The following IMMP2L variants were observed in gnomAD, a reference collection of about 807,000 sequenced individuals.
IMMP2L encodes inner mitochondrial membrane peptidase subunit 2.
A neutral mutation model predicts 19.3 loss-of-function variants in IMMP2L; 18 were observed. That is an observed-to-expected ratio of 0.93 (90% CI 0.64 to 1.38). The LOEUF (loss-of-function observed/expected upper bound fraction) is 1.38. IMMP2L is among the 40% of genes most tolerant of loss of function. The pLI, the probability that IMMP2L is intolerant of heterozygous loss-of-function variation, is 0.00. For synonymous variants in IMMP2L, 76 were observed against 73.0 expected, an observed-to-expected ratio of 1.04 and a Z score of -0.21; for missense variants, 233 against 218.2, an observed-to-expected ratio of 1.07 and a Z score of -0.43.
At chr7:110,761,351 C>G (rs533097580) in intron 5 of IMMP2L, among the ~76,000 whole-genome samples, 5 of 152,240 alleles carry the variant, frequency 3.3e-5, no homozygotes, top group African/African-American at 1.2e-4. Context: ...TCAATGATGT[C>G]CTTTCCATGA....
At chr7:111,349,837 C>A (rs181268045) in intron 3 of IMMP2L, among the ~76,000 whole-genome samples, 334 of 152,188 alleles carry the variant, frequency 2.2e-3, no homozygotes, top group African/African-American at 6.9e-3. Context: ...TCTCAGGAGC[C>A]CTCTCCCTGT....
rs145962296 is a variant in IMMP2L, at chr7:110,969,748, G to A, written c.240-6183C>T. On this transcript the variant is annotated intron_variant, in intron 3 of 5. Coordinates refer to ENST00000405709, the MANE Select transcript of IMMP2L (RefSeq NM_032549.4). Reference sequence around the variant, plus strand: ...GTGGGGTGGGGATGGAATAAGAAAGGTATGGTTTATCTACATTGGCCATTC... The same window carrying A: ...GTGGGGTGGGGATGGAATAAGAAAGATATGGTTTATCTACATTGGCCATTC... 1.4e-4 allele frequency among the ~76,000 whole-genome samples: 22 copies of A among 152,146 alleles called. No homozygotes were observed. In the East Asian group the frequency reaches 3.5e-3, roughly 24 times the overall value.
chr7:110,876,674 C>A (rs1809100568), intron 5 of IMMP2L, among the ~76,000 whole-genome samples: 1 of 152,286 alleles, frequency 6.6e-6, no homozygotes, highest in East Asian at 1.9e-4. Context: ...CAATCTACTT[C>A]ATATTTTTAT....
chr7:110,993,832 C>T (rs185213574), intron 3 of IMMP2L, among the ~76,000 whole-genome samples: 54 of 152,154 alleles, frequency 3.5e-4, no homozygotes, highest in African/African-American at 1.3e-3. Context: ...ACTTCCCCAT[C>T]GCTCTTGATG....
At chr7:111,109,870 T>C (rs2129582792) in intron 3 of IMMP2L, among the ~76,000 whole-genome samples, 1 of 152,302 alleles carries the variant, frequency 6.6e-6, no homozygotes, top group Non-Finnish European at 1.5e-5. Flanking sequence ...GCGCGGTGGC[T>C]CATGCCTGTA....
In IMMP2L at chr7:110,696,281, G is replaced by A. The variant is rs145956746; in HGVS notation, c.409-32560C>T. 6.4e-4 allele frequency among the ~76,000 whole-genome samples: 97 copies of A among 152,294 alleles called. 2 individuals carry two copies. The East Asian group carries it at 0.016, about 25-fold the overall frequency. ...GCATGGAGGTTTCTAAGTAGTGAGT[G>A]ACATGAGATTTGCTTTGGGAAAATT... On this transcript the variant is annotated intron_variant, in intron 5 of 5. Coordinates refer to ENST00000405709, the MANE Select transcript of IMMP2L (RefSeq NM_032549.4).
At chr7:111,388,979 C>A (rs544794084) in intron 3 of IMMP2L, among the ~76,000 whole-genome samples, 1 of 152,190 alleles carries the variant, frequency 6.6e-6, no homozygotes, top group Non-Finnish European at 1.5e-5. Flanking sequence ...GAAGCAAAGA[C>A]ACCTCAGTAG....
chr7:111,286,113 G>A (rs1173751326), intron 3 of IMMP2L, among the ~76,000 whole-genome samples: 1 of 152,078 alleles, frequency 6.6e-6, no homozygotes, highest in Non-Finnish European at 1.5e-5. Context: ...ACTAATTATT[G>A]AGAAGGCACA....
At chr7:110,943,301 G>A (rs1473798220) in intron 4 of IMMP2L, among the ~76,000 whole-genome samples, 1 of 151,890 alleles carries the variant, frequency 6.6e-6, no homozygotes, top group Non-Finnish European at 1.5e-5. Context: ...ATGCTCATTC[G>A]ATGTGTGTTG....
At chr7:110,979,307 T>C (rs1488152828) in intron 3 of IMMP2L, among the ~76,000 whole-genome samples, 1 of 152,282 alleles carries the variant, frequency 6.6e-6, no homozygotes, top group Non-Finnish European at 1.5e-5. Flanking sequence ...ATGTCTAAAT[T>C]TTTTCTCAAA....
intron 3 of IMMP2L, among the ~76,000 whole-genome samples, chr7:111,386,202 C>G (rs1322261838): frequency 6.6e-6 from 1 of 152,044 alleles, no homozygotes; most frequent in African/African-American, 2.4e-5. Context: ...GATAAATAAC[C>G]TGATATAATA....
chr7:110,991,430 G>A (rs766297540), intron 3 of IMMP2L, among the ~76,000 whole-genome samples: 36 of 152,034 alleles, frequency 2.4e-4, no homozygotes, highest in Admixed American at 3.9e-4. Context: ...ATTTACTAAC[G>A]GTGGTGTGGT....
At chr7:111,086,694 C>CGG (rs2129577175) in intron 3 of IMMP2L, among the ~76,000 whole-genome samples, 1 of 152,320 alleles carries the variant, frequency 6.6e-6, no homozygotes, top group South Asian at 2.1e-4. Context: ...TGAAGACCTT[C>CGG]CTAGCACAAT....
chr7:110,666,846 G>A (rs1791493025), intron 5 of IMMP2L, among the ~76,000 whole-genome samples: 1 of 152,140 alleles, frequency 6.6e-6, no homozygotes, highest in African/African-American at 2.4e-5. Context: ...AATCTGCTGA[G>A]TACAAATTAA....
chr7:111,287,714 T>A (rs1255197194), intron 3 of IMMP2L, among the ~76,000 whole-genome samples: 1 of 152,104 alleles, frequency 6.6e-6, no homozygotes, highest in Non-Finnish European at 1.5e-5. Context: ...AGGGAATTGA[T>A]GATTATCCAA....
At chr7:111,283,574 G>A (rs1415262675) in intron 3 of IMMP2L, among the ~76,000 whole-genome samples, 2 of 152,062 alleles carry the variant, frequency 1.3e-5, no homozygotes, top group Non-Finnish European at 2.9e-5. Flanking sequence ...CGAGGAAGAC[G>A]AGCTGGAAAA....
intron 3 of IMMP2L, among the ~76,000 whole-genome samples, chr7:110,986,856 C>T (rs942761242): frequency 6.7e-6 from 1 of 150,060 alleles, no homozygotes; most frequent in Non-Finnish European, 1.5e-5. Context: ...TTCAAGAAAA[C>T]ACCCAAACAC....
At chr7:111,396,221 C>T (rs894172046) in intron 3 of IMMP2L, among the ~76,000 whole-genome samples, 1 of 152,136 alleles carries the variant, frequency 6.6e-6, no homozygotes, top group Non-Finnish European at 1.5e-5. Context: ...ATGTTTACTG[C>T]AGCACTATTT....
At chr7:110,944,034 T>C (rs2129553320) in intron 4 of IMMP2L, among the ~76,000 whole-genome samples, 1 of 152,084 alleles carries the variant, frequency 6.6e-6, no homozygotes, top group Non-Finnish European at 1.5e-5. Flanking sequence ...AATAGAATCA[T>C]TTCACAGAGT....
Sources: allele counts gnomAD v4.1 joint callset (sites outside exome capture counted in the v4.1 genomes callset), GRCh38; gene constraint gnomAD v4.1.1; transcripts MANE v1.5; gene names NCBI Gene and HGNC (gene_info 2026-07-23, HGNC 2026-07-21).